The following DDX60L variants were observed in gnomAD, a reference collection of about 807,000 sequenced individuals.
DDX60L encodes DExD/H-box 60 like, also known as probable ATP-dependent RNA helicase DDX60-like.
DDX60L carries 191 observed loss-of-function variants against 211.6 expected under a neutral mutation model. The ratio of observed to expected loss-of-function variants is 0.90; its 90% CI spans 0.80 to 1.02. DDX60L has a LOEUF of 1.02. Ranked by LOEUF, DDX60L falls within the 50% of genes least tolerant of loss-of-function variation. The pLI is 0.00. For missense variants in DDX60L, 2,007 were observed against 1,984.1 expected (o/e 1.01, Z -0.22); for synonymous variants, 706 against 694.1 (o/e 1.02, Z -0.27).
At chr4:168,480,001 A>AAAG (rs199636956) in intron 1 of DDX60L, among the ~76,000 whole-genome samples, 5,916 of 140,206 alleles carry the variant, frequency 0.042, 324 homozygotes, top group Non-Finnish European at 0.063. Flanking sequence ...AAAAAAAAAA[A>AAAG]AGCTTAAATA....
At chr4:168,432,256 G>A (rs555888721) in intron 12 of DDX60L, among the ~76,000 whole-genome samples, 199 bp downstream of exon 12, 4 of 147,096 alleles carry the variant, frequency 2.7e-5, no homozygotes, top group South Asian at 2.1e-4. Flanking sequence ...GTGTGTGTGT[G>A]TATATATATA....
At chr4:168,430,358 TA>T in intron 13 of DDX60L, 119 bp downstream of exon 13, 1 of 878,094 alleles carries the variant, frequency 1.1e-6, no homozygotes, top group Non-Finnish European at 1.7e-6. Context: ...GAGAATGGAC[TA>T]AGACAGTTAG....
chr4:168,420,738 A>T (rs1202798620), intron 17 of DDX60L, among the ~76,000 whole-genome samples: 1 of 152,104 alleles, frequency 6.6e-6, no homozygotes, highest in Non-Finnish European at 1.5e-5. Flanking sequence ...GACAATGGGC[A>T]AATGAATGAC....
intron 36 of DDX60L, among the ~76,000 whole-genome samples, chr4:168,367,284 T>C (rs1162568022): frequency 6.6e-6 from 1 of 152,200 alleles, no homozygotes; most frequent in Non-Finnish European, 1.5e-5. Context: ...GTTATTGATT[T>C]ATGAGGGCGG....
chr4:168,430,853 C>T (rs1189108128), intron 12 of DDX60L, among the ~76,000 whole-genome samples: 1 of 152,000 alleles, frequency 6.6e-6, no homozygotes, highest in Non-Finnish European at 1.5e-5. Context: ...CTGGACATTG[C>T]CCCTGTCATT....
chr4:168,434,051 T>C (rs1752715412), intron 10 of DDX60L, among the ~76,000 whole-genome samples: 2 of 152,122 alleles, frequency 1.3e-5, no homozygotes, highest in Admixed American at 6.6e-5. Flanking sequence ...CTGTTTTCTT[T>C]CTTATTCTTA....
rs530335967 is a variant in DDX60L, at chr4:168,435,573, C to A, written c.1295-2458G>T. On this transcript the variant is annotated intron_variant, in intron 10 of 37. Transcript: ENST00000682922. ...TTCATTGTTTGAGCAAAATAATATA[C>A]CTCCTGGTACCTGGTACGCAGCTAT... Among the ~76,000 whole-genome samples the A allele has an allele frequency of 5.9e-5, 9 of 152,270 alleles. 1 individual carries two copies. The South Asian group carries it at 1.9e-3, about 32-fold the overall frequency.
At chr4:168,453,023 G>T in intron 8 of DDX60L, 101 bp downstream of exon 8, 1 of 1,206,984 alleles carries the variant, frequency 8.3e-7, no homozygotes. Flanking sequence ...TGATTTATCA[G>T]CTAATTAGAT....
At chr4:168,383,221 G>A (rs1743265886) in intron 30 of DDX60L, among the ~76,000 whole-genome samples, 1 of 151,896 alleles carries the variant, frequency 6.6e-6, no homozygotes, top group Admixed American at 6.6e-5. Context: ...ATTTTTTTCT[G>A]TCCTGAAGAA....
chr4:168,475,718 C>T (rs1469032633), intron 1 of DDX60L, among the ~76,000 whole-genome samples: 1 of 151,878 alleles, frequency 6.6e-6, no homozygotes, highest in African/African-American at 2.4e-5. Flanking sequence ...GTTTATGTCC[C>T]CCCAAAATTC....
At chr4:168,405,107 C>T (rs954842123) in intron 24 of DDX60L, among the ~76,000 whole-genome samples, 3 of 152,004 alleles carry the variant, frequency 2.0e-5, no homozygotes, top group African/African-American at 7.3e-5. Context: ...CTCCCAGGCT[C>T]AAGTGATTCT....
chr4:168,424,151 G>A (rs1751096359), intron 14 of DDX60L, among the ~76,000 whole-genome samples: 2 of 152,156 alleles, frequency 1.3e-5, no homozygotes, highest in African/African-American at 4.8e-5. Flanking sequence ...TTGTTCACAG[G>A]AAAAAGTCCT....
intron 13 of DDX60L, 37 bp downstream of exon 13, chr4:168,430,441 T>C (rs1237135902): frequency 6.5e-7 from 1 of 1,528,686 alleles, no homozygotes; most frequent in Non-Finnish European, 8.8e-7. Flanking sequence ...CAAAACAACA[T>C]CAAAGAAAAA....
chr4:168,364,227 T>C (rs767618599), intron 36 of DDX60L, among the ~76,000 whole-genome samples: 5 of 152,036 alleles, frequency 3.3e-5, no homozygotes, highest in South Asian at 2.1e-4. Flanking sequence ...AGATATCCCA[T>C]GCAAAGAGAA....
chr4:168,363,523 C>T (rs1327785705), intron 36 of DDX60L, among the ~76,000 whole-genome samples: 1 of 152,082 alleles, frequency 6.6e-6, no homozygotes, highest in Non-Finnish European at 1.5e-5. Flanking sequence ...AAAGAATACA[C>T]AATAGATAAA....
At chr4:168,409,761 A>G (rs1310121640) in intron 22 of DDX60L, among the ~76,000 whole-genome samples, 1 of 152,240 alleles carries the variant, frequency 6.6e-6, no homozygotes, top group Admixed American at 6.5e-5. Context: ...CAAATTATTT[A>G]GTATAACACT....
chr4:168,423,465 T>C, intron 15 of DDX60L, 143 bp downstream of exon 15: 1 of 565,390 alleles, frequency 1.8e-6, no homozygotes. Context: ...TAATCTCATA[T>C]CTATTATTTT....
At chr4:168,366,020 C>T (rs185207537) in intron 36 of DDX60L, among the ~76,000 whole-genome samples, 6 of 152,068 alleles carry the variant, frequency 3.9e-5, no homozygotes, top group South Asian at 4.1e-4. Context: ...AAGATATGTA[C>T]GTCAACACAA....
At chr4:168,478,189 CAA>C (rs34467288) in intron 1 of DDX60L, among the ~76,000 whole-genome samples, 6 of 144,486 alleles carry the variant, frequency 4.2e-5, no homozygotes, top group African/African-American at 1.6e-4. Flanking sequence ...AGTGATAGGA[CAA>C]AAAAAAAAGA....
Sources: allele counts gnomAD v4.1 joint callset (sites outside exome capture counted in the v4.1 genomes callset), GRCh38; gene constraint gnomAD v4.1.1; transcripts MANE v1.5; gene names NCBI Gene and HGNC (gene_info 2026-07-23, HGNC 2026-07-21).